The following ACSM2B variants were observed in gnomAD, a reference collection of about 807,000 sequenced individuals.
The protein encoded by ACSM2B is acyl-coenzyme A synthetase ACSM2B, mitochondrial.
A neutral mutation model predicts 78.6 loss-of-function variants in ACSM2B; 58 were observed. The ratio of observed to expected loss-of-function variants is 0.74; its 90% CI spans 0.60 to 0.92. The LOEUF (loss-of-function observed/expected upper bound fraction) is 0.92, where lower values mean the gene tolerates loss of function less well. ACSM2B is among the 40% of genes least tolerant of loss of function. The pLI, the probability that ACSM2B is intolerant of heterozygous loss-of-function variation, is 0.00. For synonymous variants in ACSM2B, 257 were observed against 256.8 expected, an observed-to-expected ratio of 1.00 and a Z score of -0.01; for missense variants, 688 against 711.2, an observed-to-expected ratio of 0.97 and a Z score of 0.37.
chr16:20,566,700 A>ATATATAGTATATATACTATATATAC (rs1348333544), intron 1 of ACSM2B, among the ~76,000 whole-genome samples: 1 of 6,704 alleles, frequency 1.5e-4, no homozygotes, highest in African/African-American at 4.7e-4. Context: ...TATATATAGT[A>ATATATAGTATATATACTATATATAC]TATATATAGT....
chr16:20,537,461 G>C, intron 13 of ACSM2B, 99 bp from the exon 14 acceptor site: 2 of 1,406,576 alleles, frequency 1.4e-6, no homozygotes, highest in Non-Finnish European at 2.0e-6. Flanking sequence ...CTTCAGGCTG[G>C]AGCCACTTCA....
intron 10 of ACSM2B, chr16:20,544,489 T>G (rs1382010107): frequency 5.1e-6 from 4 of 791,874 alleles, no homozygotes; most frequent in Non-Finnish European, 6.1e-6. Flanking sequence ...CAACAATGCT[T>G]GCCTCATGGT....
chr16:20,555,500 A>G, intron 3 of ACSM2B, 24 bp from the exon 4 acceptor site: 3 of 1,610,988 alleles, frequency 1.9e-6, no homozygotes, highest in Non-Finnish European at 2.5e-6. Flanking sequence ...CAATTTAGAG[A>G]ATTGGAAAGG....
At chr16:20,569,177 T>C (rs2016021412) in intron 1 of ACSM2B, among the ~76,000 whole-genome samples, 1 of 152,038 alleles carries the variant, frequency 6.6e-6, no homozygotes, top group African/African-American at 2.4e-5. Context: ...TGTTATCTTC[T>C]AGAATTTTTA....
intron 2 of ACSM2B, among the ~76,000 whole-genome samples, chr16:20,564,091 T>C (rs1324659406): frequency 2.0e-5 from 3 of 152,044 alleles, no homozygotes; most frequent in Non-Finnish European, 4.4e-5. Context: ...ACTCAGTCTT[T>C]GTTCAGTGCT....
In ACSM2B at chr16:20,537,377, A is replaced by G; in HGVS notation, c.1630-15T>C. 2.5e-6 allele frequency: 4 copies of G among 1,613,356 alleles called. No homozygotes were observed. The highest frequency in any genetic ancestry group is 2.5e-6 in the Non-Finnish European group (3 of 1,179,286). On this transcript the variant is annotated splice_polypyrimidine_tract_variant and intron_variant, in intron 13 of 13. Transcript: ENST00000329697. ...ACAAACTCTATCTGTTGAAAAACAA[A>G]TCAGTCCAGGGTGGGTGATCTGTGA...
Position 20,542,935 on chromosome 16 carries a change from G to A in ACSM2B, c.1488C>T (p.Ser496=). The change falls in exon 12 of 14, where the codon AGC becomes AGT. Residue 496 remains serine (S), a synonymous_variant. Transcript: ENST00000329697. ...PAVVETAVIS[S]PDPVRGEVVK... ...TCACCTCTCCTCGGACGGGGTCTGG[G>A]CTGCTGATCACAGCCGTCTCAACCA... 1.9e-6 allele frequency: 3 copies of A among 1,613,694 alleles called. No individual in the cohort carries two copies. The highest frequency in any genetic ancestry group is 1.1e-5 in the South Asian group (1 of 91,058).
intron 6 of ACSM2B, among the ~76,000 whole-genome samples, chr16:20,551,214 A>G (rs1240747244): frequency 6.6e-6 from 1 of 152,102 alleles, no homozygotes; most frequent in Non-Finnish European, 1.5e-5. Flanking sequence ...AGGGGTATGA[A>G]CACCTTCTGC....
chr16:20,568,599 C>G (rs1263238891), intron 1 of ACSM2B, among the ~76,000 whole-genome samples: 1 of 151,446 alleles, frequency 6.6e-6, no homozygotes, highest in Non-Finnish European at 1.5e-5. Context: ...AGTGGGATTG[C>G]TGGATCAAAT....
Position 20,542,910 on chromosome 16 carries a change from T to G in ACSM2B, c.1509+4A>C. On this transcript the variant is annotated splice_donor_region_variant and intron_variant, in intron 12 of 13. Transcript: ENST00000329697. ...TCACCCCCAGGCTACTGCTTCCCCA[T>G]CACCTCTCCTCGGACGGGGTCTGGG... The G allele has an allele frequency of 6.2e-7, 1 of 1,613,698 alleles. No individual in the cohort carries two copies. The highest frequency in any genetic ancestry group is 8.5e-7 in the Non-Finnish European group (1 of 1,179,846).
intron 10 of ACSM2B, among the ~76,000 whole-genome samples, chr16:20,543,958 A>G (rs956185225): frequency 3.9e-5 from 6 of 152,202 alleles, no homozygotes; most frequent in African/African-American, 1.2e-4. Flanking sequence ...GTCTGAAGCT[A>G]AACAGCCATT....
Position 20,545,198 on chromosome 16 carries a change from C to A in ACSM2B, c.1240G>T (p.Val414Phe). The A allele has an allele frequency of 6.2e-7, 1 of 1,613,900 alleles. No individual in the cohort carries two copies. The highest frequency in any genetic ancestry group is 1.1e-5 in the South Asian group (1 of 91,010). Residue 414 changes from valine (V) to phenylalanine (F), a missense_variant, in exon 10 of 14, where the codon GTC becomes TTC. Physicochemically the swap from Val to Phe is conservative, Grantham distance 50. Transcript: ENST00000329697. The stretch of plus-strand genomic sequence containing the variant: ...ATGCCTATAGGCCTGATGGGTTTGA[C>A]CCTGATGCCAATGTCTCCTTCTGTG... ...PGTEGDIGIR[V>F]KPIRPIGIFS...
intron 1 of ACSM2B, among the ~76,000 whole-genome samples, chr16:20,571,531 A>C (rs1276836649): frequency 6.7e-6 from 1 of 150,314 alleles, no homozygotes; most frequent in African/African-American, 2.4e-5. Context: ...CTGATGAATA[A>C]AATGTGTATT....
rs375201845 is a variant in ACSM2B, at chr16:20,558,663, G to C, written c.388+574C>G. On this transcript the variant is annotated intron_variant, in intron 3 of 13. Coordinates refer to ENST00000329697, the MANE Select transcript of ACSM2B (RefSeq NM_001105069.2). ...TGAGACTTAGTTGCTCCTCATATTG[G>C]TTAATTCAAGTCTCTTTTTAGAAAA... Among the ~76,000 whole-genome samples the C allele has an allele frequency of 1.3e-3, 204 of 152,150 alleles. 4 individuals are homozygous for C. In the South Asian group the frequency reaches 0.033, roughly 25 times the overall value.
At chr16:20,550,303 T>C (rs748142823) in intron 6 of ACSM2B, among the ~76,000 whole-genome samples, 4 of 152,186 alleles carry the variant, frequency 2.6e-5, no homozygotes, top group Non-Finnish European at 5.9e-5. Flanking sequence ...TTCCTTCAAA[T>C]GTGCTTGATA....
chr16:20,567,238 A>G (rs1373839884), intron 1 of ACSM2B, among the ~76,000 whole-genome samples: 2 of 129,036 alleles, frequency 1.5e-5, no homozygotes, highest in Non-Finnish European at 3.1e-5. Flanking sequence ...TATAATATAT[A>G]GTGTAATATA....
rs181326992 is a variant in ACSM2B, at chr16:20,576,003, T to C, written c.-9+204A>G. ...CCACCTTTTTCCAGCTGCCCTCGTC[T>C]CTCCCTGTTGCTGCCATAAACGTGC... On this transcript the variant is annotated intron_variant, in intron 1 of 13. Transcript: ENST00000329697. Among the ~76,000 whole-genome samples the C allele has an allele frequency of 4.2e-3, 635 of 149,942 alleles. 5 individuals carry two copies. The highest frequency in any genetic ancestry group is 0.019 in the Admixed American group (286 of 15,188).
chr16:20,548,056 A>C lies in ACSM2B; in HGVS notation c.1098+6T>G. The stretch of plus-strand genomic sequence containing the variant: ...CACAGCCCATGGTTCCCCTGGGAAC[A>C]GGTACCGTTTCTGTCTGGCCATAGA... On this transcript the variant is annotated splice_donor_region_variant and intron_variant, in intron 8 of 13. Transcript: ENST00000329697. 6.2e-6 allele frequency: 10 copies of C among 1,613,986 alleles called. No individual in the cohort carries two copies. Among genetic ancestry groups the C allele is most frequent in the Non-Finnish European group, 8.5e-6 (10 of 1,179,848 alleles).
intron 8 of ACSM2B, 140 bp downstream of exon 8, chr16:20,547,922 G>C (rs2015188269): frequency 6.6e-7 from 1 of 1,520,530 alleles, no homozygotes; most frequent in African/African-American, 1.4e-5. Context: ...TCAATACTCA[G>C]TACCTGTCCC....
Sources: allele counts gnomAD v4.1 joint callset (sites outside exome capture counted in the v4.1 genomes callset), GRCh38; gene constraint gnomAD v4.1.1; transcripts MANE v1.5; gene names NCBI Gene and HGNC (gene_info 2026-07-23, HGNC 2026-07-21).